The following VIL1 variants were observed in gnomAD, a reference collection of about 807,000 sequenced individuals.
VIL1 encodes the protein villin-1.
In VIL1, 86 loss-of-function variants were observed where a neutral mutation model predicts 104.0. That is an observed-to-expected ratio of 0.83 (90% CI 0.69 to 0.99). The LOEUF (loss-of-function observed/expected upper bound fraction) is 0.99. Among genes scored for constraint, VIL1 ranks in the 50% least tolerant of loss-of-function variants. The probability of loss-of-function intolerance (pLI) is 0.00; values close to 1 mark genes in which losing one functional copy is unlikely to be tolerated. For synonymous variants in VIL1, 394 were observed against 412.6 expected (o/e 0.95, Z 0.55); for missense variants, 944 against 1,054.1 (o/e 0.90, Z 1.45).
In VIL1 at chr2:218,432,463, G is replaced by A. The variant is rs76020765; in HGVS notation, c.1341+280G>A. On this transcript the variant is annotated intron_variant, in intron 12 of 19. Coordinates refer to ENST00000248444, the MANE Select transcript of VIL1 (RefSeq NM_007127.3). ...TTTGTGTCTAGATGCGAGGGAGCAG[G>A]GAGTGTGTCTAGGACTGAGTGGTGT... 8,776 of 695,336 alleles carry A rather than the reference G, an allele frequency of 0.013. 559 individuals carry two copies. In the African/African-American group the frequency reaches 0.14, roughly 11 times the overall value. 43.1% of individuals were successfully genotyped at this position (695,336 alleles called of 1,614,324 possible).
chr2:218,441,014 G>A (rs1689275630), intron 19 of VIL1, 152 bp downstream of exon 19: 1 of 913,300 alleles, frequency 1.1e-6, no homozygotes, highest in Non-Finnish European at 1.6e-6. Flanking sequence ...CAGGAGGAGA[G>A]AGATCAGAGA....
Position 218,432,091 on chromosome 2 carries a change from T to C in VIL1, c.1249T>C (p.Trp417Arg), listed in dbSNP as rs752162526. ...NLELVPVDSK[W>R]LGHFYGGDCY... Reference sequence around the variant, plus strand: ...AGAGCTGGTACCTGTGGATTCCAAGTGGCTAGGCCACTTCTATGGGGGCGA... The same window carrying C: ...AGAGCTGGTACCTGTGGATTCCAAGCGGCTAGGCCACTTCTATGGGGGCGA... Residue 417 changes from tryptophan (W) to arginine (R), a missense_variant, in exon 12 of 20, where the codon TGG becomes CGG. Physicochemically the swap from Trp to Arg is moderately radical, Grantham distance 101. Transcript: ENST00000248444. 42 of 1,614,024 alleles carry C rather than the reference T, an allele frequency of 2.6e-5. No homozygotes were observed. Among genetic ancestry groups the C allele is most frequent in the Non-Finnish European group, 3.3e-5 (39 of 1,180,018 alleles).
At position 218,421,979 on chromosome 2, in the gene VIL1, C is replaced by T. The variant is rs553895370; in HGVS notation, c.-11-1789C>T. Among the ~76,000 whole-genome samples, 533 of 152,260 alleles carry T rather than the reference C, an allele frequency of 3.5e-3. 3 individuals are homozygous for T. Among genetic ancestry groups the T allele is most frequent in the Middle Eastern group, 6.8e-3 (2 of 294 alleles). On this transcript the variant is annotated intron_variant, in intron 1 of 19. Transcript: ENST00000248444. Reference sequence around the variant, plus strand: ...AAAGAAAAAGAGGGACGGGGCCCGGCGCGGTGGCTCACGCCTGTAATTCCA... The same window carrying T: ...AAAGAAAAAGAGGGACGGGGCCCGGTGCGGTGGCTCACGCCTGTAATTCCA...
chr2:218,447,462 C>A (rs111770659), intron 19 of VIL1, among the ~76,000 whole-genome samples: 1 of 152,086 alleles, frequency 6.6e-6, no homozygotes, highest in African/African-American at 2.4e-5. Flanking sequence ...GGACTATAGG[C>A]GTGCACCACC....
rs147765393 is a variant in VIL1 at position 218,444,989 on chromosome 2, T to C, written c.2370+4127T>C. 1.0e-3 allele frequency among the ~76,000 whole-genome samples: 159 copies of C among 152,246 alleles called. 1 individual carries two copies. Among genetic ancestry groups the C allele is most frequent in the African/African-American group, 3.6e-3 (148 of 41,540 alleles). On this transcript the variant is annotated intron_variant, in intron 19 of 19. Transcript: ENST00000248444. ...CCAGAGAGAGCAAAGACCTAGGACA[T>C]AGCAGCCACAGCTGTGAGGAACCTG... is the stretch of plus-strand genomic sequence containing the variant.
At chr2:218,429,519 G>A (rs369724238) in intron 7 of VIL1, 32 bp downstream of exon 7, 26 of 1,613,336 alleles carry the variant, frequency 1.6e-5, no homozygotes, top group Non-Finnish European at 2.1e-5. Flanking sequence ...CCTGGGTGCT[G>A]GGGACTCCCT....
chr2:218,441,605 C>G (rs1689286232), intron 19 of VIL1, among the ~76,000 whole-genome samples: 1 of 152,096 alleles, frequency 6.6e-6, no homozygotes, highest in African/African-American at 2.4e-5. Context: ...CAGGGCTGAA[C>G]TGGCAGTGCC....
At chr2:218,439,703 G>C (rs1689255423) in intron 18 of VIL1, among the ~76,000 whole-genome samples, 1 of 151,632 alleles carries the variant, frequency 6.6e-6, no homozygotes, top group Non-Finnish European at 1.5e-5. Flanking sequence ...TGTGGTCCCA[G>C]CTACTCAGGA....
intron 3 of VIL1, among the ~76,000 whole-genome samples, chr2:218,424,901 C>A (rs1688953361): frequency 6.6e-6 from 1 of 152,128 alleles, no homozygotes; most frequent in Non-Finnish European, 1.5e-5. Flanking sequence ...CTCAGGTGAT[C>A]CACTCGCCTC....
chr2:218,433,036 G>A, intron 13 of VIL1, 85 bp downstream of exon 13: 2 of 1,551,672 alleles, frequency 1.3e-6, no homozygotes, highest in Non-Finnish European at 1.8e-6. Context: ...TGGGTGGTGG[G>A]AGCAGGGCTT....
At chr2:218,427,208 C>T (rs1289901803) in intron 4 of VIL1, among the ~76,000 whole-genome samples, 2 of 152,228 alleles carry the variant, frequency 1.3e-5, no homozygotes, top group African/African-American at 2.4e-5. Context: ...CCTCTCTTCC[C>T]ACGCTATGGC....
Position 218,440,792 on chromosome 2 carries a change from T to TC in VIL1, c.2305dup (p.Leu769ProfsTer28), listed in dbSNP as rs758537387. ...CTCAGTTCTGGGCCTCTGCCCATCT[T>TC]CCCCCTGGAGCAGCTAGTGAACAAG... is the stretch of plus-strand genomic sequence containing the variant. On this transcript the variant is annotated frameshift_variant, in exon 19 of 20. Coordinates refer to ENST00000248444, the MANE Select transcript of VIL1 (RefSeq NM_007127.3). LOFTEE classifies it high-confidence loss of function. 6.2e-7 allele frequency: 1 copy of TC among 1,613,998 alleles called. No homozygotes were observed. Among genetic ancestry groups the TC allele is most frequent in the African/African-American group, 1.3e-5 (1 of 74,986 alleles).
At chr2:218,426,126 C>T (rs1688977627) in intron 4 of VIL1, among the ~76,000 whole-genome samples, 3 of 152,208 alleles carry the variant, frequency 2.0e-5, no homozygotes, top group Non-Finnish European at 4.4e-5. Context: ...AAATCAGCTC[C>T]TACTTGAATG....
At chr2:218,447,317 T>TA (rs1232467130) in intron 19 of VIL1, among the ~76,000 whole-genome samples, 3 of 152,052 alleles carry the variant, frequency 2.0e-5, no homozygotes, top group Non-Finnish European at 4.4e-5. Flanking sequence ...GTGACAGCAA[T>TA]AAAATCTTTT....
At chr2:218,421,809 A>C (rs116834610) in intron 1 of VIL1, among the ~76,000 whole-genome samples, 1 of 152,060 alleles carries the variant, frequency 6.6e-6, no homozygotes, top group Non-Finnish European at 1.5e-5. Flanking sequence ...TCCACCCTCT[A>C]TTCCTCTTGC....
chr2:218,448,132 T>C (rs939692988), intron 19 of VIL1, among the ~76,000 whole-genome samples: 6 of 151,814 alleles, frequency 4.0e-5, no homozygotes, highest in African/African-American at 1.5e-4. Flanking sequence ...TGGTGGTGCA[T>C]GCCTGTGGTC....
At chr2:218,449,166 G>A in intron 19 of VIL1, 57 bp from the exon 20 acceptor site, 2 of 1,296,798 alleles carry the variant, frequency 1.5e-6, no homozygotes, top group Admixed American at 1.7e-5. Flanking sequence ...GTGCCTGAGG[G>A]TGAGGGAGGA....
intron 17 of VIL1, among the ~76,000 whole-genome samples, chr2:218,438,193 A>C (rs1574818423): frequency 7.0e-6 from 1 of 141,988 alleles, no homozygotes; most frequent in African/African-American, 2.6e-5. Context: ...TTCATTCAGC[A>C]TAAGTGTGCT....
At chr2:218,438,926 A>AT (rs34676834) in intron 18 of VIL1, among the ~76,000 whole-genome samples, 200 bp downstream of exon 18, 54,192 of 107,936 alleles carry the variant, frequency 0.5, 14,268 homozygotes, top group East Asian at 0.74. Context: ...ATGGTTCTCA[A>AT]TTTTTTTTTT....
Sources: allele counts gnomAD v4.1 joint callset (sites outside exome capture counted in the v4.1 genomes callset), GRCh38; gene constraint gnomAD v4.1.1; transcripts MANE v1.5; gene names NCBI Gene and HGNC (gene_info 2026-07-23, HGNC 2026-07-21).